LY6S: variants seen among roughly 807,000 people sequenced by gnomAD.
LY6S encodes lymphocyte antigen 6 family member S, also known as lymphocyte antigen 6S.
chr8:143,073,467 CG>C, the LY6S span, among the ~76,000 whole-genome samples: 1 of 147,564 alleles, frequency 6.8e-6, no homozygotes, highest in Admixed American at 6.8e-5. Flanking sequence ...CCGTCGTCCC[CG>C]GGGCTCCTGT....
chr8:143,070,344 C>T, the LY6S span, among the ~76,000 whole-genome samples: 5 of 142,474 alleles, frequency 3.5e-5, no homozygotes, highest in Non-Finnish European at 7.5e-5. Flanking sequence ...ATAACAAGTG[C>T]CCATGGGCTT....
At chr8:143,041,116 A>G in the LY6S span, among the ~76,000 whole-genome samples, 1 of 152,182 alleles carries the variant, frequency 6.6e-6, no homozygotes, top group Non-Finnish European at 1.5e-5. Context: ...ACATCTTATC[A>G]GGAGACAGGG....
the LY6S span, among the ~76,000 whole-genome samples, chr8:143,073,941 C>T: frequency 0.46 from 54,431 of 117,388 alleles, 10,901 homozygotes; most frequent in South Asian, 0.6. Context: ...AGCCGTCGTC[C>T]CCGGGGTCCC....
At chr8:143,055,457 A>G in the LY6S span, among the ~76,000 whole-genome samples, 1 of 152,232 alleles carries the variant, frequency 6.6e-6, no homozygotes, top group African/African-American at 2.4e-5. Context: ...ATTAACATTC[A>G]AATAAGGCAT....
chr8:143,055,912 C>T, the LY6S span, among the ~76,000 whole-genome samples: 78,759 of 151,858 alleles, frequency 0.52, 22,948 homozygotes, highest in Non-Finnish European at 0.64. Flanking sequence ...TAACAGGTAT[C>T]GAGTTCTCTG....
the LY6S span, chr8:143,066,003 C>G: frequency 5.6e-6 from 2 of 354,082 alleles, no homozygotes; most frequent in South Asian, 4.9e-5. Context: ...TTCATGAGAT[C>G]CATTCCTGAC....
the LY6S span, among the ~76,000 whole-genome samples, chr8:143,063,268 G>A: frequency 6.6e-6 from 1 of 152,210 alleles, no homozygotes; most frequent in South Asian, 2.1e-4. Context: ...CTCTTACCCA[G>A]AGCAGTGCAA....
chr8:143,053,665 A>G, the LY6S span: 2 of 152,290 alleles, frequency 1.3e-5, no homozygotes, highest in East Asian at 3.9e-4. Context: ...AAAAGGAGAA[A>G]TGCTTTCTTA....
At chr8:143,053,883 C>A in the LY6S span, 2 of 152,144 alleles carry the variant, frequency 1.3e-5, no homozygotes, top group Non-Finnish European at 2.9e-5. Flanking sequence ...GTTCCCTGAC[C>A]GGCATGGTTT....
At chr8:143,057,944 G>A in the LY6S span, 19 of 552,974 alleles carry the variant, frequency 3.4e-5, no homozygotes, top group Admixed American at 9.0e-5. Flanking sequence ...TCTCAGCGTC[G>A]TCTCTGTCTG....
the LY6S span, among the ~76,000 whole-genome samples, chr8:143,045,100 G>A: frequency 0.051 from 7,798 of 152,162 alleles, 650 homozygotes; most frequent in African/African-American, 0.18. The surrounding 1 kb of genome is among the most constrained non-coding windows in gnomAD (Gnocchi z 5.3). Flanking sequence ...GCCAGCACGC[G>A]CGGTAACAAG....
chr8:143,052,873 T>C, the LY6S span, among the ~76,000 whole-genome samples: 1 of 152,234 alleles, frequency 6.6e-6, no homozygotes, highest in Non-Finnish European at 1.5e-5. Flanking sequence ...AAACTTAGTC[T>C]TTTTGAAATG....
chr8:143,069,431 A>G, the LY6S span, among the ~76,000 whole-genome samples: 1 of 152,146 alleles, frequency 6.6e-6, no homozygotes, highest in African/African-American at 2.4e-5. Context: ...ATTAGTATCT[A>G]ATTATGTGCC....
the LY6S span, among the ~76,000 whole-genome samples, chr8:143,070,774 C>T: frequency 6.6e-6 from 1 of 151,946 alleles, no homozygotes; most frequent in Non-Finnish European, 1.5e-5. Flanking sequence ...CGTGAGCCAC[C>T]GTGCCCGGCC....
chr8:143,066,998 T>G, the LY6S span, among the ~76,000 whole-genome samples: 7 of 152,156 alleles, frequency 4.6e-5, no homozygotes, highest in South Asian at 1.4e-3. Flanking sequence ...GAGGTGGGCC[T>G]GGTGGGTGGT....
chr8:143,070,565 C>A, the LY6S span, among the ~76,000 whole-genome samples: 1 of 145,190 alleles, frequency 6.9e-6, no homozygotes, highest in Non-Finnish European at 1.5e-5. Flanking sequence ...CAGCTCACTG[C>A]GACCTCTGCC....
chr8:143,050,176 C>CTTT, the LY6S span, among the ~76,000 whole-genome samples: 23 of 114,868 alleles, frequency 2.0e-4, no homozygotes, highest in African/African-American at 5.4e-4. Flanking sequence ...CAAAACCTGA[C>CTTT]TTTTTTTTTT....
the LY6S span, chr8:143,057,174 C>CT: frequency 8.6e-6 from 3 of 347,710 alleles, no homozygotes; most frequent in South Asian, 3.3e-5. Flanking sequence ...CCAACACCCC[C>CT]TTTTTTCTGG....
the LY6S span, chr8:143,044,264 G>A: frequency 4.4e-6 from 2 of 456,012 alleles, no homozygotes; most frequent in African/African-American, 2.0e-5. Context: ...GTGGGGACAA[G>A]GGGCAGAGGT....
Sources: allele counts gnomAD v4.1 joint callset (sites outside exome capture counted in the v4.1 genomes callset), GRCh38; gene constraint gnomAD v4.1.1; non-coding constraint Gnocchi (gnomAD v3.1); transcripts MANE v1.5; gene names NCBI Gene and HGNC (gene_info 2026-07-23, HGNC 2026-07-21).